CCSER1: variants seen among roughly 807,000 people sequenced by gnomAD.
CCSER1 encodes the protein serine-rich coiled-coil domain-containing protein 1.
In CCSER1, 41 loss-of-function variants were observed where a neutral mutation model predicts 82.0. The ratio of observed to expected loss-of-function variants is 0.50; its 90% confidence interval spans 0.39 to 0.65. CCSER1 has a LOEUF of 0.65. CCSER1 is among the 30% of genes least tolerant of loss of function. The pLI is 0.00. For missense variants in CCSER1, 1,119 were observed against 1,064.2 expected, an observed-to-expected ratio of 1.05 and a Z score of -0.72; for synonymous variants, 414 against 383.9, an observed-to-expected ratio of 1.08 and a Z score of -0.92.
chr4:90,280,463 C>A (rs1320055900), intron 1 of CCSER1, among the ~76,000 whole-genome samples: 1 of 151,804 alleles, frequency 6.6e-6, no homozygotes, highest in Non-Finnish European at 1.5e-5. Flanking sequence ...AGCATTGTCA[C>A]AGCTCTGGAT....
At chr4:91,513,071 T>A (rs1397818011) in intron 10 of CCSER1, among the ~76,000 whole-genome samples, 8 of 152,154 alleles carry the variant, frequency 5.3e-5, no homozygotes, top group Non-Finnish European at 1.0e-4. Flanking sequence ...TACCAGCTTA[T>A]GCCCATTAAA....
intron 10 of CCSER1, among the ~76,000 whole-genome samples, chr4:91,450,888 C>T (rs1333355666): frequency 2.0e-5 from 3 of 151,884 alleles, no homozygotes; most frequent in Non-Finnish European, 4.4e-5. Context: ...TCCAAAAAGC[C>T]AGGATGGGAA....
intron 1 of CCSER1, among the ~76,000 whole-genome samples, chr4:90,205,004 T>C (rs148454734): frequency 0.023 from 3,452 of 152,294 alleles, 51 homozygotes; most frequent in South Asian, 0.054. Flanking sequence ...TTGTCTGTTA[T>C]TGGTGTATAG....
At chr4:91,417,992 A>T (rs942896461) in intron 10 of CCSER1, among the ~76,000 whole-genome samples, 1 of 152,172 alleles carries the variant, frequency 6.6e-6, no homozygotes, top group African/African-American at 2.4e-5. Flanking sequence ...AATCAACAAC[A>T]GGAAGAAAAA....
At chr4:90,833,853 T>A (rs778329881) in intron 8 of CCSER1, among the ~76,000 whole-genome samples, 1 of 152,144 alleles carries the variant, frequency 6.6e-6, no homozygotes, top group Non-Finnish European at 1.5e-5. Context: ...AATGGATTAA[T>A]GTCATTACTG....
At chr4:91,336,836 G>A (rs147993178) in intron 10 of CCSER1, among the ~76,000 whole-genome samples, 29 of 152,092 alleles carry the variant, frequency 1.9e-4, no homozygotes, top group African/African-American at 6.7e-4. Context: ...CCACATTTAT[G>A]CCCTCAGGGA....
chr4:90,816,463 G>T (rs1328080280), intron 8 of CCSER1, among the ~76,000 whole-genome samples: 1 of 152,064 alleles, frequency 6.6e-6, no homozygotes, highest in East Asian at 1.9e-4. Context: ...AGACAGAGCA[G>T]TGGGCATTAT....
intron 9 of CCSER1, among the ~76,000 whole-genome samples, chr4:91,023,320 T>C (rs1388518628): frequency 6.6e-6 from 1 of 152,136 alleles, no homozygotes; most frequent in African/African-American, 2.4e-5. Flanking sequence ...AAAGTTCATA[T>C]GGAACCAAAA....
At chr4:90,451,243 A>G (rs1761412351) in intron 4 of CCSER1, among the ~76,000 whole-genome samples, 1 of 152,018 alleles carries the variant, frequency 6.6e-6, no homozygotes, top group South Asian at 2.1e-4. Context: ...TGCTTTTATC[A>G]CCTCAGAGCC....
intron 4 of CCSER1, among the ~76,000 whole-genome samples, chr4:90,459,108 G>A (rs577988446): frequency 3.8e-4 from 58 of 152,132 alleles, no homozygotes; most frequent in African/African-American, 1.3e-3. Context: ...ATGTGTGTAC[G>A]TATATATAGA....
chr4:90,493,862 G>A (rs1259672652), intron 5 of CCSER1, among the ~76,000 whole-genome samples: 5 of 152,096 alleles, frequency 3.3e-5, no homozygotes, highest in Non-Finnish European at 5.9e-5. Context: ...CTCAGCTAAT[G>A]AGCAAAATAA....
In CCSER1 at chr4:90,588,259, G is replaced by A. The variant is rs951941821; in HGVS notation, c.1725-39766G>A. On this transcript the variant is annotated intron_variant, in intron 5 of 10. Transcript: ENST00000509176. ...TGTTATCATTTGATAGCATTTAACC[G>A]ACACTTGAACTTCTTTCAAAATTGG... Among the ~76,000 whole-genome samples, 9 of 152,102 alleles carry A rather than the reference G, an allele frequency of 5.9e-5. No individual in the cohort carries two copies. In the South Asian group the frequency reaches 6.2e-4, roughly 10 times the overall value.
chr4:90,156,172 A>G (rs950349703), intron 1 of CCSER1, among the ~76,000 whole-genome samples: 3 of 151,940 alleles, frequency 2.0e-5, no homozygotes, highest in Non-Finnish European at 4.4e-5. Flanking sequence ...TTTCCATGTA[A>G]TTGAGCAGTT....
Position 90,270,364 on chromosome 4 carries a change from G to A in CCSER1, c.-41-37880G>A, listed in dbSNP as rs192553746. ...GGGATGCAAGGATGATTCAACATATGCAAATTAGTCAATGTAATAAATTGA... is the reference window on the plus strand; with the variant it reads ...GGGATGCAAGGATGATTCAACATATACAAATTAGTCAATGTAATAAATTGA... On this transcript the variant is annotated intron_variant, in intron 1 of 10. Coordinates refer to ENST00000509176, the MANE Select transcript of CCSER1 (RefSeq NM_001145065.2). 2.6e-3 allele frequency among the ~76,000 whole-genome samples: 392 copies of A among 152,086 alleles called. 2 individuals carry two copies. Among genetic ancestry groups the A allele is most frequent in the African/African-American group, 8.5e-3 (353 of 41,516 alleles).
intron 1 of CCSER1, among the ~76,000 whole-genome samples, chr4:90,166,633 C>A (rs906745968): frequency 6.6e-6 from 1 of 151,960 alleles, no homozygotes; most frequent in Admixed American, 6.6e-5. Flanking sequence ...ATTAAGCCTT[C>A]TTTCTGTGGT....
At chr4:91,590,802 C>A (rs1578871217) in intron 10 of CCSER1, among the ~76,000 whole-genome samples, 1 of 151,670 alleles carries the variant, frequency 6.6e-6, no homozygotes, top group Non-Finnish European at 1.5e-5. Context: ...CAGAAGAATG[C>A]CTGGTATATA....
chr4:90,170,744 A>G (rs960814928), intron 1 of CCSER1, among the ~76,000 whole-genome samples: 1 of 151,794 alleles, frequency 6.6e-6, no homozygotes, highest in Non-Finnish European at 1.5e-5. Context: ...GTATATATGT[A>G]CTATATTTTC....
intron 7 of CCSER1, among the ~76,000 whole-genome samples, chr4:90,770,098 C>A (rs977534550): frequency 6.6e-6 from 1 of 152,184 alleles, no homozygotes; most frequent in Non-Finnish European, 1.5e-5. Flanking sequence ...GCTTCCATGT[C>A]ATGAGGAACC....
intron 10 of CCSER1, among the ~76,000 whole-genome samples, chr4:91,297,211 T>A (rs1410685457): frequency 6.6e-6 from 1 of 151,896 alleles, no homozygotes; most frequent in Non-Finnish European, 1.5e-5. Context: ...TCTTCTCCTC[T>A]CTTTTAATAA....
Sources: allele counts gnomAD v4.1 joint callset (sites outside exome capture counted in the v4.1 genomes callset), GRCh38; gene constraint gnomAD v4.1.1; transcripts MANE v1.5; gene names NCBI Gene and HGNC (gene_info 2026-07-23, HGNC 2026-07-21).